Variants in PDZD2 observed in about 807,000 individuals in gnomAD.
The protein encoded by PDZD2 is PDZ domain containing 2, also known as PDZ domain-containing protein 2.
A neutral mutation model predicts 220.7 loss-of-function variants in PDZD2; 90 were observed. That is an observed-to-expected ratio of 0.41 (90% CI 0.34 to 0.49). The LOEUF is 0.49. Ranked by LOEUF, PDZD2 falls within the 20% of genes least tolerant of loss-of-function variation. PDZD2 has a pLI of 0.28. For missense variants in PDZD2, 3,174 were observed against 3,608.5 expected, an observed-to-expected ratio of 0.88 and a Z score of 3.08; for synonymous variants, 1,375 against 1,450.5, an observed-to-expected ratio of 0.95 and a Z score of 1.18.
At chr5:32,063,414 G>A (rs1739884232) in intron 14 of PDZD2, among the ~76,000 whole-genome samples, 1 of 152,194 alleles carries the variant, frequency 6.6e-6, no homozygotes, top group Admixed American at 6.5e-5. Flanking sequence ...CAGGTCTAAT[G>A]TTAGCTGCTT....
At chr5:31,930,594 T>C (rs1358811747) in intron 2 of PDZD2, among the ~76,000 whole-genome samples, 1 of 152,156 alleles carries the variant, frequency 6.6e-6, no homozygotes, top group Non-Finnish European at 1.5e-5. Context: ...CGTTATCCTT[T>C]GGACAACGAG....
rs71912250 is a variant in PDZD2, at chr5:32,006,353, A to ATTTT, written c.1255-3962_1255-3959dup. On this transcript the variant is annotated intron_variant, in intron 5 of 24. Coordinates refer to ENST00000438447, the MANE Select transcript of PDZD2 (RefSeq NM_178140.4). ...GAATCTTTCCATGTTAGGAAGTACA[A>ATTTT]TTTTTTTTTTTTTTTTTTGAGACAG... is the stretch of plus-strand genomic sequence containing the variant. Among the ~76,000 whole-genome samples, 1,126 of 134,334 alleles carry ATTTT rather than the reference A, an allele frequency of 8.4e-3. 25 individuals carry two copies. Among genetic ancestry groups the ATTTT allele is most frequent in the African/African-American group, 0.026 (964 of 36,568 alleles). The allele number at this position is 134,334 out of a possible 152,430, so 88.1% of individuals were successfully genotyped here.
chr5:31,987,064 CTA>C (rs1750779862), intron 3 of PDZD2, among the ~76,000 whole-genome samples: 1 of 152,096 alleles, frequency 6.6e-6, no homozygotes, highest in Non-Finnish European at 1.5e-5. Context: ...CATAGACAAA[CTA>C]TTTTAGGCAT....
At chr5:31,826,861 G>T (rs925014760) in intron 2 of PDZD2, among the ~76,000 whole-genome samples, 5 of 152,118 alleles carry the variant, frequency 3.3e-5, no homozygotes, top group African/African-American at 1.2e-4. Context: ...GGAAATATAG[G>T]CTGAGAAAGA....
At chr5:32,003,343 A>C (rs1581252905) in intron 5 of PDZD2, among the ~76,000 whole-genome samples, 3 of 22,556 alleles carry the variant, frequency 1.3e-4, no homozygotes, top group African/African-American at 1.7e-4. Flanking sequence ...ACCACACCAC[A>C]CACACACCAC....
intron 1 of PDZD2, among the ~76,000 whole-genome samples, chr5:31,715,916 C>T (rs1019563128): frequency 6.6e-6 from 1 of 152,162 alleles, no homozygotes; most frequent in Non-Finnish European, 1.5e-5. Context: ...TGATTCTTGA[C>T]GTTGATGTAG....
chr5:32,030,199 C>T (rs919512904), intron 6 of PDZD2, among the ~76,000 whole-genome samples: 2 of 152,244 alleles, frequency 1.3e-5, no homozygotes, highest in Non-Finnish European at 2.9e-5. Context: ...TCCACTGCCT[C>T]TTGGCATGGA....
intron 1 of PDZD2, among the ~76,000 whole-genome samples, chr5:31,725,093 G>A (rs1331229392): frequency 6.6e-6 from 1 of 151,924 alleles, no homozygotes; most frequent in Admixed American, 6.6e-5. Flanking sequence ...CATTCTGGGG[G>A]GCTAAGGCGG....
chr5:32,064,237 A>AC (rs1472772019), intron 14 of PDZD2, among the ~76,000 whole-genome samples: 1 of 148,402 alleles, frequency 6.7e-6, no homozygotes, highest in Non-Finnish European at 1.5e-5. Flanking sequence ...AACTCAATTC[A>AC]CTTTTTTTTT....
chr5:31,758,586 C>T (rs1033849345), intron 1 of PDZD2, among the ~76,000 whole-genome samples: 2 of 152,226 alleles, frequency 1.3e-5, no homozygotes, highest in Non-Finnish European at 2.9e-5. Flanking sequence ...GGGCCCTACA[C>T]ATGCCTGCCT....
At chr5:32,041,847 AAACAAC>A (rs138602842) in intron 7 of PDZD2, among the ~76,000 whole-genome samples, 22,948 of 137,384 alleles carry the variant, frequency 0.17, 1,973 homozygotes, top group African/African-American at 0.19. Flanking sequence ...ATAAATACTA[AAACAAC>A]AACAACAACA....
chr5:31,739,219 C>T (rs987744589), intron 1 of PDZD2, among the ~76,000 whole-genome samples: 4 of 152,154 alleles, frequency 2.6e-5, no homozygotes, highest in African/African-American at 4.8e-5. Flanking sequence ...GTGGCTACTG[C>T]CTTTTTTGGA....
At chr5:31,738,758 A>T (rs1750058765) in intron 1 of PDZD2, 1 of 152,238 alleles carries the variant, frequency 6.6e-6, no homozygotes, top group Admixed American at 6.5e-5. Context: ...TGGGAAGAAC[A>T]CAGCTGCAGT....
chr5:31,855,031 A>G (rs957743198), intron 2 of PDZD2: 19 of 985,194 alleles, frequency 1.9e-5, no homozygotes, highest in Non-Finnish European at 2.0e-5. Flanking sequence ...GGCCGCCTGC[A>G]GGTGATTAGG....
Position 31,709,485 on chromosome 5 carries a change from GAA to G in PDZD2, c.-361+70055_-361+70056del, listed in dbSNP as rs201282015. 2.6e-4 allele frequency among the ~76,000 whole-genome samples: 32 copies of G among 122,230 alleles called. 1 individual carries two copies. The highest frequency in any genetic ancestry group is 9.1e-4 in the Admixed American group (12 of 13,180). 80.2% of individuals were successfully genotyped at this position (122,230 alleles called of 152,430 possible). ...GTGACAGACTAAGACCCTGTCTCAG[GAA>G]AAAAAATAAAATAAAAGGTGAGAGA... is the stretch of plus-strand genomic sequence containing the variant. On this transcript the variant is annotated intron_variant, in intron 1 of 24. Coordinates refer to ENST00000438447, the MANE Select transcript of PDZD2 (RefSeq NM_178140.4).
In PDZD2 at chr5:31,694,139, C is replaced by T. The variant is rs551977765; in HGVS notation, c.-361+54702C>T. Among the ~76,000 whole-genome samples, 3 of 152,256 alleles carry T rather than the reference C, an allele frequency of 2.0e-5. No individual in the cohort carries two copies. In the East Asian group the frequency reaches 5.8e-4, roughly 29 times the overall value. On this transcript the variant is annotated intron_variant, in intron 1 of 24. Coordinates refer to ENST00000438447, the MANE Select transcript of PDZD2 (RefSeq NM_178140.4). ...TTGTAGGCCGGGTGCGGTGGCAATC[C>T]CAGCACTTTGGGAGGCCATGGTGGG...
At chr5:31,767,112 A>G in intron 1 of PDZD2, among the ~76,000 whole-genome samples, 1 of 146,422 alleles carries the variant, frequency 6.8e-6, no homozygotes, top group East Asian at 2.1e-4. Flanking sequence ...GCTCACTGCA[A>G]CCTCTGCCCT....
chr5:31,897,598 C>CTT (rs1741683824), intron 2 of PDZD2, among the ~76,000 whole-genome samples: 1 of 152,202 alleles, frequency 6.6e-6, no homozygotes, highest in South Asian at 2.1e-4. Context: ...AAAATATTCT[C>CTT]TTTTTCTGGG....
chr5:31,668,384 T>C (rs1746087257), intron 1 of PDZD2, among the ~76,000 whole-genome samples: 1 of 152,240 alleles, frequency 6.6e-6, no homozygotes, highest in Admixed American at 6.5e-5. Context: ...AGTGTCTGGC[T>C]TGTGAGAGTG....
Sources: gnomAD v4.1 joint callset for allele counts (sites outside exome capture counted in the v4.1 genomes callset) on GRCh38, gnomAD v4.1.1 for gene constraint, MANE v1.5 for transcripts, NCBI Gene and HGNC (gene_info 2026-07-23, HGNC 2026-07-21) for gene names.